Variants in CCDC192 observed in about 807,000 individuals in gnomAD.
The protein encoded by CCDC192 is coiled-coil domain containing 192, also known as coiled-coil domain-containing protein 192.
rs943624361 is a variant in CCDC192 at position 127,737,313 on chromosome 5, G to A, written c.115-16955G>A. Among the ~76,000 whole-genome samples, 42 of 152,188 alleles carry A rather than the reference G, an allele frequency of 2.8e-4. 1 individual carries two copies. The highest frequency in any genetic ancestry group is 9.8e-4 in the Admixed American group (15 of 15,282). ...TGAGAGATAGTTTGTTATAATTTCT[G>A]TTCTTTTACATTTGCTGAGGAGAGC... On this transcript the variant is annotated intron_variant, in intron 2 of 6. Transcript: ENST00000514853.
chr5:127,817,383 A>G (rs928563125), intron 5 of CCDC192, among the ~76,000 whole-genome samples: 5 of 152,226 alleles, frequency 3.3e-5, no homozygotes, highest in African/African-American at 1.2e-4. Context: ...AAAAACTGGT[A>G]ACAACTCAAA....
chr5:127,797,535 T>A (rs1394903254), intron 4 of CCDC192, among the ~76,000 whole-genome samples: 1 of 151,762 alleles, frequency 6.6e-6, no homozygotes, highest in Non-Finnish European at 1.5e-5. Flanking sequence ...TAGTTGTTAA[T>A]GTTGGAGTGT....
intron 2 of CCDC192, among the ~76,000 whole-genome samples, chr5:127,714,378 A>G (rs895986361): frequency 3.9e-5 from 6 of 152,062 alleles, no homozygotes; most frequent in African/African-American, 1.2e-4. Flanking sequence ...CTGTTGGATC[A>G]TAGGGTAGTT....
intron 3 of CCDC192, among the ~76,000 whole-genome samples, chr5:127,783,671 G>T (rs1441869869): frequency 6.6e-6 from 1 of 151,830 alleles, no homozygotes; most frequent in Middle Eastern, 3.2e-3. Flanking sequence ...TCCATTGTTT[G>T]TTGTTGTTGT....
intron 5 of CCDC192, among the ~76,000 whole-genome samples, chr5:127,844,373 T>C (rs1000363356): frequency 1.4e-4 from 22 of 152,230 alleles, no homozygotes; most frequent in African/African-American, 5.3e-4. Flanking sequence ...AGTTGAAAGA[T>C]ATTGTGATGG....
At chr5:127,805,080 C>G (rs1757710195) in intron 5 of CCDC192, among the ~76,000 whole-genome samples, 1 of 152,104 alleles carries the variant, frequency 6.6e-6, no homozygotes, top group Non-Finnish European at 1.5e-5. Context: ...TCTTCCTGCC[C>G]TCCCTCTCCC....
chr5:127,936,753 G>A (rs1290900734), intron 6 of CCDC192, among the ~76,000 whole-genome samples: 2 of 152,330 alleles, frequency 1.3e-5, no homozygotes, highest in East Asian at 3.9e-4. Context: ...GTGGGTGTGG[G>A]GTTAAGGCTG....
At chr5:127,750,431 A>C (rs532938121) in intron 2 of CCDC192, among the ~76,000 whole-genome samples, 28 of 152,198 alleles carry the variant, frequency 1.8e-4, no homozygotes, top group African/African-American at 6.7e-4. Flanking sequence ...GTTTTGAGTG[A>C]GATTCTTAAT....
chr5:127,778,007 TTG>T (rs141839653), intron 3 of CCDC192, among the ~76,000 whole-genome samples: 44 of 149,882 alleles, frequency 2.9e-4, no homozygotes, highest in Non-Finnish European at 2.8e-4. Context: ...ATTTATTAGC[TTG>T]TGTGTGTGTG....
chr5:127,704,049 G>A (rs35895944), intron 1 of CCDC192, among the ~76,000 whole-genome samples: 8,272 of 152,270 alleles, frequency 0.054, 297 homozygotes, highest in Non-Finnish European at 0.08. Flanking sequence ...TTTCAAATGT[G>A]GAAATATCTT....
intron 6 of CCDC192, among the ~76,000 whole-genome samples, chr5:127,890,318 A>T (rs940289101): frequency 2.0e-5 from 3 of 152,124 alleles, no homozygotes; most frequent in African/African-American, 7.2e-5. Context: ...TCGAGGCTAC[A>T]GTGAGATGTC....
intron 2 of CCDC192, among the ~76,000 whole-genome samples, chr5:127,729,002 G>A (rs923469897): frequency 2.0e-5 from 3 of 152,104 alleles, no homozygotes; most frequent in African/African-American, 7.2e-5. Context: ...TGCCTTCTGA[G>A]TTCAAGCAAT....
At chr5:127,869,187 G>C (rs1438252584) in intron 5 of CCDC192, among the ~76,000 whole-genome samples, 3 of 152,122 alleles carry the variant, frequency 2.0e-5, no homozygotes, top group Non-Finnish European at 2.9e-5. Flanking sequence ...AGCTGTGCCT[G>C]GTGGCACGTG....
rs115056964 is a variant in CCDC192, at chr5:127,926,841, C to A, written c.536-14341C>A. Among the ~76,000 whole-genome samples the A allele has an allele frequency of 7.1e-3, 1,074 of 152,140 alleles. 18 individuals carry two copies. Among genetic ancestry groups the A allele is most frequent in the African/African-American group, 0.025 (1,023 of 41,496 alleles). ...TAGAGAGGGAAAAGAAAGTTTAAGA[C>A]CAGGAGTTTAAGAATCTCCATGCAG... is the stretch of plus-strand genomic sequence containing the variant. On this transcript the variant is annotated intron_variant, in intron 6 of 6. Coordinates refer to ENST00000514853, the MANE Select transcript of CCDC192 (RefSeq NM_001317938.2).
chr5:127,783,729 G>A (rs578134049), intron 3 of CCDC192, among the ~76,000 whole-genome samples: 2 of 152,268 alleles, frequency 1.3e-5, no homozygotes, highest in East Asian at 3.9e-4. Flanking sequence ...TGTCAGTGGA[G>A]TATTGAAGTC....
intron 6 of CCDC192, among the ~76,000 whole-genome samples, chr5:127,916,378 A>C (rs1404877361): frequency 6.6e-6 from 1 of 152,208 alleles, no homozygotes; most frequent in African/African-American, 2.4e-5. Flanking sequence ...TAATATTGAT[A>C]ATTTGACTTC....
chr5:127,760,141 T>C (rs749211142), intron 3 of CCDC192, among the ~76,000 whole-genome samples: 30 of 152,008 alleles, frequency 2.0e-4, no homozygotes, highest in Non-Finnish European at 4.4e-4. Context: ...AAAATAAAAA[T>C]TATAAATTTT....
chr5:127,759,736 C>T (rs1203126688), intron 3 of CCDC192, among the ~76,000 whole-genome samples: 1 of 152,164 alleles, frequency 6.6e-6, no homozygotes, highest in East Asian at 1.9e-4. Context: ...TTCCAACCTA[C>T]CACAAAAGTC....
chr5:127,927,669 G>T lies in CCDC192; in HGVS notation c.536-13513G>T, dbSNP rs80287183. 1.6e-3 allele frequency among the ~76,000 whole-genome samples: 247 copies of T among 152,294 alleles called. 5 individuals are homozygous for T. In the East Asian group the frequency reaches 0.04, roughly 25 times the overall value. On this transcript the variant is annotated intron_variant, in intron 6 of 6. Transcript: ENST00000514853. The stretch of plus-strand genomic sequence containing the variant: ...TTTACAAAGAAGAGGGAACTATAAT[G>T]GTTTAAGATTCCAGAGGAGGCAGGA...
Sources: gnomAD v4.1 joint callset for allele counts (sites outside exome capture counted in the v4.1 genomes callset) on GRCh38, gnomAD v4.1.1 for gene constraint, MANE v1.5 for transcripts, NCBI Gene and HGNC (gene_info 2026-07-23, HGNC 2026-07-21) for gene names.